The following ASTN2 variants were observed in gnomAD, a reference collection of about 807,000 sequenced individuals.
ASTN2 encodes the protein astrotactin-2.
ASTN2 carries 54 observed loss-of-function variants against 139.8 expected under a neutral mutation model. The ratio of observed to expected loss-of-function variants is 0.39; its 90% CI spans 0.31 to 0.48. The LOEUF is 0.48. Ranked by LOEUF, ASTN2 falls within the 20% of genes least tolerant of loss-of-function variation. ASTN2 has a pLI of 0.95. For synonymous variants in ASTN2, 756 were observed against 719.5 expected (o/e 1.05, Z -0.81); for missense variants, 1,565 against 1,725.1 (o/e 0.91, Z 1.64).
intron 5 of ASTN2, among the ~76,000 whole-genome samples, chr9:117,042,673 A>G (rs1838614572): frequency 6.6e-6 from 1 of 151,964 alleles, no homozygotes; most frequent in Admixed American, 6.6e-5. Flanking sequence ...TATAGTATAA[A>G]TCTTTTAGCA....
At chr9:116,806,477 G>C (rs1831032513) in intron 12 of ASTN2, among the ~76,000 whole-genome samples, 1 of 152,204 alleles carries the variant, frequency 6.6e-6, no homozygotes, top group African/African-American at 2.4e-5. Flanking sequence ...GAGGGGATGG[G>C]GATGGTTGGG....
intron 17 of ASTN2, among the ~76,000 whole-genome samples, chr9:116,651,044 G>T (rs772654260): frequency 6.6e-6 from 1 of 151,474 alleles, no homozygotes; most frequent in Non-Finnish European, 1.5e-5. Context: ...GCCTCCCAAC[G>T]TAGCTGCGAT....
At chr9:116,871,219 C>A (rs190808802) in intron 10 of ASTN2, among the ~76,000 whole-genome samples, 2 of 152,058 alleles carry the variant, frequency 1.3e-5, no homozygotes, top group African/African-American at 4.8e-5. Flanking sequence ...GATCGTGCCA[C>A]GGCACTGCAG....
At chr9:117,252,936 A>G (rs1260470876) in intron 2 of ASTN2, among the ~76,000 whole-genome samples, 1 of 135,980 alleles carries the variant, frequency 7.4e-6, no homozygotes, top group African/African-American at 2.7e-5. Context: ...ATACTATGTT[A>G]TATGTTGTTG....
chr9:117,279,245 A>C (rs1834268017), intron 2 of ASTN2, among the ~76,000 whole-genome samples: 1 of 152,188 alleles, frequency 6.6e-6, no homozygotes, highest in East Asian at 1.9e-4. Flanking sequence ...GAAAGGAAAT[A>C]TTATACAGCA....
intron 3 of ASTN2, among the ~76,000 whole-genome samples, chr9:117,173,179 T>A (rs1490899066): frequency 6.6e-6 from 1 of 152,086 alleles, no homozygotes; most frequent in East Asian, 1.9e-4. Context: ...TACAAAAAAA[T>A]AAATAAAACC....
intron 13 of ASTN2, among the ~76,000 whole-genome samples, chr9:116,775,188 G>A (rs1025961038): frequency 1.3e-5 from 2 of 151,940 alleles, no homozygotes; most frequent in Non-Finnish European, 2.9e-5. Flanking sequence ...CCCCCAGGAT[G>A]GCGATTCCAC....
intron 17 of ASTN2, among the ~76,000 whole-genome samples, chr9:116,642,788 TC>T: frequency 6.6e-6 from 1 of 152,186 alleles, no homozygotes; most frequent in Non-Finnish European, 1.5e-5. Context: ...ACTCTAAGAC[TC>T]AAATCTAGTT....
chr9:117,059,733 A>C (rs958971818), intron 5 of ASTN2, among the ~76,000 whole-genome samples: 4 of 152,186 alleles, frequency 2.6e-5, no homozygotes, highest in Non-Finnish European at 4.4e-5. Context: ...TGAAGACAGT[A>C]TTTCCCATTC....
intron 2 of ASTN2, among the ~76,000 whole-genome samples, chr9:117,215,096 G>C (rs1390132868): frequency 6.6e-6 from 1 of 152,100 alleles, no homozygotes; most frequent in East Asian, 1.9e-4. Context: ...TGGCAGGAAG[G>C]GTCAGTGCTG....
At chr9:117,135,127 T>C (rs1359492061) in intron 4 of ASTN2, among the ~76,000 whole-genome samples, 1 of 152,114 alleles carries the variant, frequency 6.6e-6, no homozygotes, top group African/African-American at 2.4e-5. Flanking sequence ...CTAGACTAGG[T>C]AGGTATAATT....
intron 7 of ASTN2, among the ~76,000 whole-genome samples, chr9:117,001,756 A>T (rs1330926939): frequency 6.6e-6 from 1 of 152,096 alleles, no homozygotes; most frequent in South Asian, 2.1e-4. Flanking sequence ...TCTAGAATAC[A>T]TTTCTCCCTG....
chr9:116,590,720 A>G (rs2131731799), intron 19 of ASTN2, among the ~76,000 whole-genome samples: 1 of 152,292 alleles, frequency 6.6e-6, no homozygotes, highest in East Asian at 1.9e-4. Flanking sequence ...AAATCAGTAT[A>G]CAGTTCCTCC....
chr9:116,567,823 G>T (rs1371770075), intron 19 of ASTN2, among the ~76,000 whole-genome samples: 1 of 152,074 alleles, frequency 6.6e-6, no homozygotes, highest in Non-Finnish European at 1.5e-5. Context: ...CTGTATGCTA[G>T]GCACTTTCTC....
intron 17 of ASTN2, among the ~76,000 whole-genome samples, chr9:116,625,398 C>T (rs923196870): frequency 3.3e-5 from 5 of 152,128 alleles, no homozygotes; most frequent in African/African-American, 9.7e-5. Context: ...TGCGCTACTG[C>T]ACTCCAGCCT....
chr9:116,750,917 G>A (rs1346810500), intron 13 of ASTN2, among the ~76,000 whole-genome samples: 1 of 152,164 alleles, frequency 6.6e-6, no homozygotes, highest in Non-Finnish European at 1.5e-5. Flanking sequence ...CAGAATTTTT[G>A]TTCTTTTCAA....
At chr9:117,245,184 T>A (rs1351204074) in intron 2 of ASTN2, among the ~76,000 whole-genome samples, 4 of 152,108 alleles carry the variant, frequency 2.6e-5, no homozygotes, top group Admixed American at 6.5e-5. Flanking sequence ...GGATAAGCTG[T>A]CTGTTCTGAA....
intron 10 of ASTN2, among the ~76,000 whole-genome samples, chr9:116,910,697 A>G (rs1465726758): frequency 6.6e-6 from 1 of 152,156 alleles, no homozygotes; most frequent in Non-Finnish European, 1.5e-5. Flanking sequence ...AGAAAAAAAA[A>G]CCAGAAAAGA....
At chr9:116,510,502 T>C (rs1317955323) in intron 19 of ASTN2, among the ~76,000 whole-genome samples, 1 of 152,186 alleles carries the variant, frequency 6.6e-6, no homozygotes, top group Admixed American at 6.5e-5. Context: ...TTTGGTTCCA[T>C]ATGAACTTTA....
Sources: gnomAD v4.1 joint callset for allele counts (sites outside exome capture counted in the v4.1 genomes callset) on GRCh38, gnomAD v4.1.1 for gene constraint, MANE v1.5 for transcripts, NCBI Gene and HGNC (gene_info 2026-07-23, HGNC 2026-07-21) for gene names.